ARSG: variants seen among roughly 807,000 people sequenced by gnomAD.
ARSG encodes the protein arylsulfatase G.
ARSG carries 37 observed loss-of-function variants against 50.5 expected under a neutral mutation model. That is an observed-to-expected ratio of 0.73 (90% CI 0.56 to 0.96). ARSG has a LOEUF of 0.96. Among genes scored for constraint, ARSG ranks in the 50% least tolerant of loss-of-function variants. The pLI, the probability that ARSG is intolerant of heterozygous loss-of-function variation, is 0.00. For synonymous variants in ARSG, 225 were observed against 254.6 expected, an observed-to-expected ratio of 0.88 and a Z score of 1.11; for missense variants, 629 against 675.3, an observed-to-expected ratio of 0.93 and a Z score of 0.76.
At chr17:68,366,882 A>G (rs992075467) in intron 6 of ARSG, among the ~76,000 whole-genome samples, 1 of 152,194 alleles carries the variant, frequency 6.6e-6, no homozygotes, top group African/African-American at 2.4e-5. Context: ...CCCATGAAAC[A>G]TAAACTGCCC....
chr17:68,269,164 C>G (rs781901290), intron 1 of ARSG: 2 of 1,548,064 alleles, frequency 1.3e-6, no homozygotes, highest in Admixed American at 4.2e-5. Flanking sequence ...AGAAAGTCTT[C>G]AGGTATGTCC....
intron 1 of ARSG, among the ~76,000 whole-genome samples, chr17:68,280,716 C>T (rs782604082): frequency 6.6e-6 from 1 of 152,140 alleles, no homozygotes; most frequent in Non-Finnish European, 1.5e-5. Context: ...CACTTTAGGA[C>T]ATTTGTCTGA....
intron 11 of ARSG, among the ~76,000 whole-genome samples, chr17:68,411,456 G>A (rs111407721): frequency 2.6e-5 from 4 of 152,058 alleles, no homozygotes; most frequent in Admixed American, 1.3e-4. Context: ...CTTAATCCTG[G>A]GTTCTAGTTT....
intron 1 of ARSG, among the ~76,000 whole-genome samples, chr17:68,295,929 C>T (rs1165025373): frequency 6.6e-6 from 1 of 152,036 alleles, no homozygotes; most frequent in Non-Finnish European, 1.5e-5. Flanking sequence ...ATCCACCCAC[C>T]TCAGCCTCCC....
intron 2 of ARSG, among the ~76,000 whole-genome samples, chr17:68,325,498 C>G (rs1181853349): frequency 6.6e-6 from 1 of 152,172 alleles, no homozygotes; most frequent in Non-Finnish European, 1.5e-5. Flanking sequence ...CTCCCAACCC[C>G]TGTCTGTGGA....
chr17:68,270,958 C>T, intron 1 of ARSG: 2 of 1,614,104 alleles, frequency 1.2e-6, no homozygotes, highest in South Asian at 1.1e-5. Context: ...AATGTGAGTC[C>T]CTCCTATTGT....
chr17:68,369,645 TG>T (rs750555208), intron 7 of ARSG, among the ~76,000 whole-genome samples: 1 of 152,168 alleles, frequency 6.6e-6, no homozygotes, highest in African/African-American at 2.4e-5. Flanking sequence ...ACTCTACTAT[TG>T]GGGGAATTCC....
chr17:68,437,923 G>A, the ARSG span, among the ~76,000 whole-genome samples: 2 of 111,972 alleles, frequency 1.8e-5, no homozygotes, highest in African/African-American at 3.4e-5. Context: ...GAAACTTTGA[G>A]ATCACGCAAG....
intron 11 of ARSG, among the ~76,000 whole-genome samples, chr17:68,404,399 A>T (rs1045971292): frequency 2.6e-5 from 4 of 152,362 alleles, no homozygotes; most frequent in Admixed American, 2.6e-4. Flanking sequence ...TCTATAATGT[A>T]TAATTTGGTG....
intron 5 of ARSG, 40 bp from the exon 6 acceptor site, chr17:68,356,627 G>C: frequency 6.2e-7 from 1 of 1,611,552 alleles, no homozygotes; most frequent in Admixed American, 1.7e-5. Flanking sequence ...CCGTGAGTAC[G>C]TAGGAAATGA....
upstream of ARSG, among the ~76,000 whole-genome samples, chr17:68,290,675 C>G (rs868959536): frequency 3.5e-4 from 53 of 152,376 alleles, no homozygotes; most frequent in African/African-American, 1.0e-3. Flanking sequence ...TAGGAAGGTA[C>G]CTCTGACATT....
At position 68,351,678 on chromosome 17, in the gene ARSG, A is replaced by C. The variant is rs2078769768; in HGVS notation, c.558A>C (p.Gly186=). ...PPCPACPQGD[G]PSRNLQRDCY... ...GTCCAGCGTGTCCACAGGGTGATGG[A>C]CCATCAAGGTAATGCTGTCTGACAC... Residue 186 remains glycine, a synonymous_variant, in exon 5 of 12, where the codon GGA becomes GGC. Coordinates refer to ENST00000621439, the MANE Select transcript of ARSG (RefSeq NM_001267727.2). 1 of 1,608,886 alleles carries C rather than the reference A, an allele frequency of 6.2e-7. No homozygotes were observed. Among genetic ancestry groups the C allele is most frequent in the Non-Finnish European group, 8.5e-7 (1 of 1,175,288 alleles).
chr17:68,367,105 AT>A lies in ARSG; in HGVS notation c.705-1442del, dbSNP rs1251358716. Among the ~76,000 whole-genome samples, 2 of 152,374 alleles carry A rather than the reference AT, an allele frequency of 1.3e-5. No individual in the cohort carries two copies. The highest frequency in any genetic ancestry group is 3.9e-4 in the East Asian group (2 of 5,188). ...TATGATTTAATTTTCATTAATTTAAATCTAAATAGGTACATGTGACTTGTGG... is the reference window on the plus strand; with the variant it reads ...TATGATTTAATTTTCATTAATTTAAACTAAATAGGTACATGTGACTTGTGG... On this transcript the variant is annotated intron_variant, in intron 6 of 11. Transcript: ENST00000621439. This position sits in a 1 kb window ranked among gnomAD's most constrained non-coding sequence, Gnocchi z 4.5.
chr17:68,351,600 A>G lies in ARSG; in HGVS notation c.480A>G (p.Pro160=), dbSNP rs1402361914. The G allele has an allele frequency of 1.2e-6, 2 of 1,612,878 alleles. No homozygotes were observed. Among genetic ancestry groups the G allele is most frequent in the South Asian group, 2.2e-5 (2 of 91,054 alleles). Residue 160 remains proline (P), a synonymous_variant, in exon 5 of 12, where the codon CCA becomes CCG. Transcript: ENST00000621439. ...FRGFDYYFGI[P]YSHDMGCTDT... is the part of the protein sequence containing the mutation. ...GTTTTGATTACTACTTTGGAATCCC[A>G]TATAGCCATGATATGGGCTGTACTG...
intron 1 of ARSG, among the ~76,000 whole-genome samples, chr17:68,282,747 G>A (rs1470228488): frequency 3.0e-5 from 4 of 135,306 alleles, no homozygotes; most frequent in African/African-American, 5.7e-5. Flanking sequence ...TTTGAGAGCA[G>A]TCTGGCCAAC....
chr17:68,400,504 C>G (rs2081425552), intron 10 of ARSG: 1 of 152,150 alleles, frequency 6.6e-6, no homozygotes, highest in African/African-American at 2.4e-5. Context: ...GCTGAAGAAG[C>G]CTTTCTTCAA....
rs564971860 is a variant in ARSG, at chr17:68,318,133, A to G, written c.218+10422A>G. Among the ~76,000 whole-genome samples the G allele has an allele frequency of 1.3e-4, 20 of 152,060 alleles. 1 individual carries two copies. The Middle Eastern group carries it at 0.01, about 78-fold the overall frequency. On this transcript the variant is annotated intron_variant, in intron 2 of 11. Transcript: ENST00000621439. ...AAAAAAAAATCAAGTAAAACAGGAG[A>G]TGAAAGCAACTTGCATTACAATAGG...
At chr17:68,416,446 C>T (rs77117029) in intron 11 of ARSG, among the ~76,000 whole-genome samples, 2,560 of 152,106 alleles carry the variant, frequency 0.017, 81 homozygotes, top group African/African-American at 0.059. Context: ...TTATAGGTTA[C>T]CTGGTGATGT....
intron 1 of ARSG, chr17:68,283,102 G>T (rs2075749402): frequency 6.6e-6 from 1 of 152,076 alleles, no homozygotes. Flanking sequence ...ACTCTTGCCT[G>T]AATGACAGAG....
Sources: allele counts gnomAD v4.1 joint callset (sites outside exome capture counted in the v4.1 genomes callset), GRCh38; gene constraint gnomAD v4.1.1; non-coding constraint Gnocchi (gnomAD v3.1); transcripts MANE v1.5; gene names NCBI Gene and HGNC (gene_info 2026-07-23, HGNC 2026-07-21).